DLGAP1: variants seen among roughly 807,000 people sequenced by gnomAD.
DLGAP1 encodes the protein disks large-associated protein 1.
DLGAP1 carries 11 observed loss-of-function variants against 90.8 expected under a neutral mutation model. That is an observed-to-expected ratio of 0.12 (90% CI 0.08 to 0.20). DLGAP1 has a LOEUF of 0.20. Among genes scored for constraint, DLGAP1 ranks in the 10% least tolerant of loss-of-function variants. The pLI is 1.00. For missense variants in DLGAP1, 1,050 were observed against 1,333.8 expected (o/e 0.79, Z 3.31); for synonymous variants, 558 against 540.7 (o/e 1.03, Z -0.44).
intron 4 of DLGAP1, among the ~76,000 whole-genome samples, chr18:3,852,077 T>C (rs1186934278): frequency 6.6e-6 from 1 of 152,196 alleles, no homozygotes; most frequent in Non-Finnish European, 1.5e-5. Flanking sequence ...ATCATATGCA[T>C]AGCTGTGATC....
At chr18:4,036,004 C>T (rs142062865) in intron 2 of DLGAP1, among the ~76,000 whole-genome samples, 61 of 152,064 alleles carry the variant, frequency 4.0e-4, no homozygotes, top group African/African-American at 1.4e-3. Context: ...ACCGGGAAAA[C>T]CTACAGGTAT....
chr18:3,691,567 C>T (rs569337116), intron 7 of DLGAP1, among the ~76,000 whole-genome samples: 1 of 151,786 alleles, frequency 6.6e-6, no homozygotes, highest in East Asian at 1.9e-4. Context: ...AAATACAAAC[C>T]CAAAAGAAAA....
chr18:4,018,408 C>T, intron 2 of DLGAP1, among the ~76,000 whole-genome samples: 1 of 152,222 alleles, frequency 6.6e-6, no homozygotes, highest in Admixed American at 6.5e-5. Context: ...GAGGCAGCTC[C>T]CTTTGGCCAA....
chr18:4,444,043 A>C (rs1023951123), intron 1 of DLGAP1, among the ~76,000 whole-genome samples: 7 of 152,196 alleles, frequency 4.6e-5, no homozygotes, highest in African/African-American at 1.7e-4. Context: ...AACTGGGTTA[A>C]CCGAACACAC....
At chr18:4,115,336 GT>G (rs34812405) in intron 2 of DLGAP1, among the ~76,000 whole-genome samples, 60,689 of 145,360 alleles carry the variant, frequency 0.42, 12,223 homozygotes, top group South Asian at 0.5. Flanking sequence ...ATAATCTTAT[GT>G]TTTTTTTTTT....
chr18:3,626,791 G>A (rs948285766), intron 7 of DLGAP1, among the ~76,000 whole-genome samples: 10 of 151,606 alleles, frequency 6.6e-5, no homozygotes, highest in African/African-American at 1.9e-4. Context: ...CCAGCTACTC[G>A]GGAGGCTGAG....
intron 2 of DLGAP1, among the ~76,000 whole-genome samples, chr18:4,138,372 G>A (rs530670461): frequency 1.2e-4 from 18 of 151,932 alleles, no homozygotes; most frequent in Non-Finnish European, 2.5e-4. Flanking sequence ...CAGTTGAAAT[G>A]ATCATAAGGT....
intron 9 of DLGAP1, among the ~76,000 whole-genome samples, chr18:3,551,176 T>TATATATATATATATATATATATATACAC (rs1478108279): frequency 2.4e-4 from 1 of 4,138 alleles, no homozygotes. Context: ...TATATATATA[T>TATATATATATATATATATATATATACAC]ACACATACAT....
intron 3 of DLGAP1, among the ~76,000 whole-genome samples, chr18:3,988,658 A>T (rs2073891669): frequency 6.6e-6 from 1 of 152,124 alleles, no homozygotes; most frequent in South Asian, 2.1e-4. Context: ...GGCTGCAAAT[A>T]GAGATGAAGC....
chr18:4,326,309 A>ATT (rs2080816081), intron 1 of DLGAP1, among the ~76,000 whole-genome samples: 1 of 152,080 alleles, frequency 6.6e-6, no homozygotes, highest in African/African-American at 2.4e-5. Context: ...TGTCTCACAG[A>ATT]TGTCAGAATG....
intron 1 of DLGAP1, among the ~76,000 whole-genome samples, chr18:4,231,454 A>T (rs2078297048): frequency 1.3e-5 from 2 of 152,202 alleles, no homozygotes; most frequent in South Asian, 2.1e-4. Context: ...ATTATCAGAT[A>T]GGCTGAGAGA....
chr18:4,085,465 G>T (rs1289691575), intron 2 of DLGAP1, among the ~76,000 whole-genome samples: 4 of 152,168 alleles, frequency 2.6e-5, no homozygotes, highest in Non-Finnish European at 1.5e-5. Context: ...TACCACAGGA[G>T]AAACTTTCTT....
intron 4 of DLGAP1, among the ~76,000 whole-genome samples, chr18:3,857,323 A>G (rs572078201): frequency 6.6e-6 from 1 of 152,242 alleles, no homozygotes; most frequent in Non-Finnish European, 1.5e-5. Context: ...AAAGCTGTTT[A>G]AAAATTCAAA....
intron 4 of DLGAP1, among the ~76,000 whole-genome samples, chr18:3,858,744 A>G (rs1358265900): frequency 6.6e-6 from 1 of 152,132 alleles, no homozygotes. Flanking sequence ...AAACTAAAAA[A>G]TTGTCTGGCA....
At chr18:4,009,134 ACCTCGTGATCCACCTG>A (rs1448043838) in intron 2 of DLGAP1, among the ~76,000 whole-genome samples, 1 of 152,070 alleles carries the variant, frequency 6.6e-6, no homozygotes, top group Non-Finnish European at 1.5e-5. Flanking sequence ...CGATCTCCTG[ACCTCGTGATCCACCTG>A]CCTCGGCCTC....
At chr18:3,616,656 G>A (rs2057880915) in intron 7 of DLGAP1, among the ~76,000 whole-genome samples, 1 of 152,028 alleles carries the variant, frequency 6.6e-6, no homozygotes, top group East Asian at 1.9e-4. Flanking sequence ...TCCAGAGGCT[G>A]AGGTTGGAGG....
chr18:4,076,843 T>C (rs1334919547), intron 2 of DLGAP1, among the ~76,000 whole-genome samples: 1 of 152,126 alleles, frequency 6.6e-6, no homozygotes, highest in Non-Finnish European at 1.5e-5. Flanking sequence ...AGGCTGGTTT[T>C]GAACTCCTGA....
chr18:4,211,492 C>A (rs2077839902), intron 1 of DLGAP1, among the ~76,000 whole-genome samples: 1 of 152,106 alleles, frequency 6.6e-6, no homozygotes, highest in South Asian at 2.1e-4. Flanking sequence ...CCTAATCTTT[C>A]CAAATGACAG....
intron 3 of DLGAP1, among the ~76,000 whole-genome samples, chr18:3,901,988 C>A (rs1230102505): frequency 6.6e-6 from 1 of 152,238 alleles, no homozygotes; most frequent in Non-Finnish European, 1.5e-5. Context: ...CTCCACCAAG[C>A]TCTCAGAGAA....
Sources: gnomAD v4.1 joint callset for allele counts (sites outside exome capture counted in the v4.1 genomes callset) on GRCh38, gnomAD v4.1.1 for gene constraint, MANE v1.5 for transcripts, NCBI Gene and HGNC (gene_info 2026-07-23, HGNC 2026-07-21) for gene names.